ACAT1: variants seen among roughly 807,000 people sequenced by gnomAD.
ACAT1 encodes the protein acetyl-CoA acetyltransferase, mitochondrial.
A neutral mutation model predicts 47.3 loss-of-function variants in ACAT1; 28 were observed. The observed-to-expected ratio is 0.59, with a 90% CI of 0.44 to 0.81. The LOEUF is 0.81. Ranked by LOEUF, ACAT1 falls within the 30% of genes least tolerant of loss-of-function variation. The pLI, the probability that ACAT1 is intolerant of heterozygous loss-of-function variation, is 0.00. For missense variants in ACAT1, 469 were observed against 524.3 expected (o/e 0.89, Z 1.03); for synonymous variants, 181 against 173.6 (o/e 1.04, Z -0.34).
intron 2 of ACAT1, among the ~76,000 whole-genome samples, chr11:108,132,765 AATGGC>A (rs1410215725): frequency 6.9e-6 from 1 of 145,670 alleles, no homozygotes; most frequent in African/African-American, 2.5e-5. Context: ...GAGGCAGGAG[AATGGC>A]GTGAATCCGG....
chr11:108,134,192 C>T (rs750348684), intron 3 of ACAT1, 29 bp from the exon 4 acceptor site: 1 of 1,543,154 alleles, frequency 6.5e-7, no homozygotes, highest in Admixed American at 1.7e-5. Context: ...AATTAAATGC[C>T]TTTTTGACTT....
chr11:108,123,997 C>G (rs899590888), intron 1 of ACAT1, among the ~76,000 whole-genome samples: 1 of 152,222 alleles, frequency 6.6e-6, no homozygotes, highest in Non-Finnish European at 1.5e-5. Context: ...TCTTCCCTCC[C>G]CTAGTCTGTC....
rs2077702705 is a variant in ACAT1 at position 108,146,137 on chromosome 11, A to C, written c.1006-65A>C. On this transcript the variant is annotated intron_variant, in intron 10 of 11. Coordinates refer to ENST00000265838, the MANE Select transcript of ACAT1 (RefSeq NM_000019.4). ...TATGTCAAACTGTAGTATTTCAAGG[A>C]AATGATGACAGTAAGTTGTGATTGC... The C allele has an allele frequency of 4.5e-6, 6 of 1,332,996 alleles. No homozygotes were observed. In the Admixed American group the frequency reaches 1.0e-4, roughly 22 times the overall value. 82.6% of individuals were successfully genotyped at this position (1,332,996 alleles called of 1,614,324 possible).
intron 8 of ACAT1, among the ~76,000 whole-genome samples, 178 bp from the exon 9 acceptor site, chr11:108,142,259 T>C (rs1332452912): frequency 2.6e-5 from 4 of 152,244 alleles, no homozygotes; most frequent in African/African-American, 9.6e-5. Flanking sequence ...CAAAAAGGCA[T>C]TCTTACATTG....
intron 10 of ACAT1, among the ~76,000 whole-genome samples, chr11:108,145,202 CCAAAA>C (rs1240464382): frequency 4.6e-5 from 7 of 152,080 alleles, no homozygotes; most frequent in South Asian, 2.1e-4. Context: ...TGAGGAACTA[CCAAAA>C]CAAAACAGAT....
intron 5 of ACAT1, chr11:108,138,686 T>C: frequency 1.7e-6 from 1 of 580,506 alleles, no homozygotes; most frequent in Non-Finnish European, 3.1e-6. Context: ...TGTGAGCCAC[T>C]GCACCCAGCC....
chr11:108,147,534 T>C lies in ACAT1; in HGVS notation c.*144T>C. ...TGTTAACTTTTAAAAATCAAAATGA[T>C]GAAATCCCAAAACATTTTGAAATTA... is the stretch of plus-strand genomic sequence containing the variant. On this transcript the variant is annotated 3_prime_UTR_variant, in exon 12 of 12. Coordinates refer to ENST00000265838, the MANE Select transcript of ACAT1 (RefSeq NM_000019.4). 9.1e-7 allele frequency: 1 copy of C among 1,094,194 alleles called. No homozygotes were observed. The highest frequency in any genetic ancestry group is 1.3e-6 in the Non-Finnish European group (1 of 765,470). The allele number at this position is 1,094,194 out of a possible 1,614,324, so 67.8% of individuals were successfully genotyped here. A position where few individuals can be genotyped will look rare whatever the true frequency, so the allele number is the denominator to read the frequency against.
In ACAT1 at chr11:108,144,022, T is replaced by C. The variant is rs1591372682; in HGVS notation, c.980T>C (p.Ile327Thr). Residue 327 changes from isoleucine to threonine, a missense_variant, in exon 10 of 12, where the codon ATT (isoleucine) becomes ACT (threonine). Ile to Thr is a moderately conservative substitution (Grantham distance 89). Transcript: ENST00000265838. ...DAAVEPIDFPIAPVYAASMVL... is the reference protein window; with the variant it reads ...DAAVEPIDFPTAPVYAASMVL... ...GCTGTAGAACCTATTGATTTTCCAA[T>C]TGCTCCTGTATATGCTGCATCTATG... is the stretch of plus-strand genomic sequence containing the variant. The C allele has an allele frequency of 7.2e-7, 1 of 1,392,540 alleles. No individual in the cohort carries two copies. Among genetic ancestry groups the C allele is most frequent in the East Asian group, 3.8e-5 (1 of 26,354 alleles). The allele number at this position is 1,392,540 out of a possible 1,614,324, so 86.3% of individuals were successfully genotyped here.
At chr11:108,139,281 T>TA (rs2077534089) in intron 6 of ACAT1, 1 of 498,904 alleles carries the variant, frequency 2.0e-6, no homozygotes, top group African/African-American at 1.9e-5. Context: ...GCTTGGCTAA[T>TA]TCAAGTATGT....
upstream of ACAT1, among the ~76,000 whole-genome samples, chr11:108,119,914 C>A (rs1487158628): frequency 1.3e-5 from 2 of 152,030 alleles, no homozygotes; most frequent in Admixed American, 6.6e-5. Context: ...AGACAGGGTG[C>A]TATATTAAAA....
chr11:108,134,300 G>A lies in ACAT1; in HGVS notation c.318G>A (p.Gln106=), dbSNP rs761498016. The A allele has an allele frequency of 6.2e-7, 1 of 1,613,520 alleles. No individual in the cohort carries two copies. The highest frequency in any genetic ancestry group is 1.7e-5 in the Admixed American group (1 of 59,984). ...GTGAAGGACAAGCTCCTACAAGGCA[G>A]GCAGTATTGGGTGCAGGTACCTGGA... ...QGGEGQAPTR[Q]AVLGAGLPIS... Residue 106 remains glutamine, a synonymous_variant, in exon 4 of 12, where the codon CAG becomes CAA. Coordinates refer to ENST00000265838, the MANE Select transcript of ACAT1 (RefSeq NM_000019.4).
chr11:108,119,800 CAAGG>C (rs934484005), upstream of ACAT1, among the ~76,000 whole-genome samples: 1 of 152,088 alleles, frequency 6.6e-6, no homozygotes, highest in African/African-American at 2.4e-5. Flanking sequence ...TGTGACATTC[CAAGG>C]AAGGAGGTAG....
At chr11:108,133,431 G>A (rs1472736961) in intron 2 of ACAT1, among the ~76,000 whole-genome samples, 1 of 152,144 alleles carries the variant, frequency 6.6e-6, no homozygotes, top group East Asian at 1.9e-4. Flanking sequence ...GCTGCAATGA[G>A]CTATGATTGT....
intron 2 of ACAT1, among the ~76,000 whole-genome samples, chr11:108,132,495 T>C (rs951870967): frequency 1.3e-5 from 2 of 152,226 alleles, no homozygotes; most frequent in Non-Finnish European, 2.9e-5. Flanking sequence ...TGCTGTTTTA[T>C]AGTATTCAAG....
chr11:108,141,342 C>A (rs2077580071), intron 7 of ACAT1, among the ~76,000 whole-genome samples: 1 of 125,220 alleles, frequency 8.0e-6, no homozygotes, highest in Admixed American at 9.5e-5. Context: ...ATCATGCCAG[C>A]CTAAGCAGGA....
At chr11:108,135,356 A>C in intron 5 of ACAT1, 114 bp downstream of exon 5, 1 of 799,946 alleles carries the variant, frequency 1.3e-6, no homozygotes, top group Non-Finnish European at 2.1e-6. Flanking sequence ...ATAAGTTAGT[A>C]TGTTTTCTCA....
chr11:108,140,351 C>G, intron 7 of ACAT1, 136 bp downstream of exon 7: 2 of 997,350 alleles, frequency 2.0e-6, no homozygotes, highest in East Asian at 2.5e-5. Context: ...GTTGCCAGTT[C>G]AGAGAGAATA....
chr11:108,128,533 G>C (rs1258739860), intron 1 of ACAT1: 1 of 152,414 alleles, frequency 6.6e-6, no homozygotes, highest in African/African-American at 2.4e-5. Flanking sequence ...AGAGGTTGCA[G>C]TGAGCTGAGA....
In ACAT1 at chr11:108,147,495, TTTA is replaced by T. The variant is rs2077744753; in HGVS notation, c.*111_*113del. 1.4e-6 allele frequency: 2 copies of T among 1,405,544 alleles called. No homozygotes were observed. Among genetic ancestry groups the T allele is most frequent in the East Asian group, 2.4e-5 (1 of 42,240 alleles). 87.1% of individuals were successfully genotyped at this position (1,405,544 alleles called of 1,614,324 possible). On this transcript the variant is annotated 3_prime_UTR_variant, in exon 12 of 12. Coordinates refer to ENST00000265838, the MANE Select transcript of ACAT1 (RefSeq NM_000019.4). ...TATATTCAGATAAGCTGTTTCATTT[TTTA>T]TTATTTTCTATGTTAACTTTTAAAA...
Sources: gnomAD v4.1 joint callset for allele counts (sites outside exome capture counted in the v4.1 genomes callset) on GRCh38, gnomAD v4.1.1 for gene constraint, MANE v1.5 for transcripts, NCBI Gene and HGNC (gene_info 2026-07-23, HGNC 2026-07-21) for gene names.